IREB2: variants seen among roughly 807,000 people sequenced by gnomAD.
IREB2 encodes the protein iron responsive element binding protein 2.
Under a neutral mutation model 118.8 loss-of-function variants are expected in IREB2, and 39 were observed. The observed-to-expected ratio is 0.33, with a 90% confidence interval of 0.25 to 0.43. The LOEUF is 0.43. Ranked by LOEUF, IREB2 falls within the 20% of genes least tolerant of loss-of-function variation. IREB2 has a pLI of 1.00. For synonymous variants in IREB2, 372 were observed against 392.2 expected (o/e 0.95, Z 0.61); for missense variants, 900 against 1,147.3 (o/e 0.78, Z 3.11).
upstream of IREB2, among the ~76,000 whole-genome samples, chr15:78,437,993 G>T (rs1311622647): frequency 1.3e-5 from 2 of 152,198 alleles, no homozygotes; most frequent in African/African-American, 2.4e-5. Flanking sequence ...GTAACGGATC[G>T]CTGCGAAGGC....
Position 78,487,190 on chromosome 15 carries a change from T to C in IREB2, c.1710-543T>C, listed in dbSNP as rs1174896674. ...AGATTACTCCTATCAGAGTGCCCAATTACAATCAATGCCTCTTTTGGGACC... is the reference window on the plus strand; with the variant it reads ...AGATTACTCCTATCAGAGTGCCCAACTACAATCAATGCCTCTTTTGGGACC... On this transcript the variant is annotated intron_variant, in intron 13 of 21. Coordinates refer to ENST00000258886, the MANE Select transcript of IREB2 (RefSeq NM_004136.4). Among the ~76,000 whole-genome samples, 4 of 18,596 alleles carry C rather than the reference T, an allele frequency of 2.2e-4. No individual in the cohort carries two copies. In the Non-Finnish European group the frequency reaches 0.019, roughly 89 times the overall value. 12.2% of individuals were successfully genotyped at this position (18,596 alleles called of 152,430 possible). A position where few individuals can be genotyped will look rare whatever the true frequency, so the allele number is the denominator to read the frequency against.
At chr15:78,488,116 T>TTATCCAGATTTGTACC in intron 14 of IREB2, 64 bp from the exon 15 acceptor site, 2 of 1,461,516 alleles carry the variant, frequency 1.4e-6, no homozygotes, top group East Asian at 4.7e-5. Context: ...TTATATATGA[T>TTATCCAGATTTGTACC]TATCCAGATT....
intron 20 of IREB2, among the ~76,000 whole-genome samples, chr15:78,496,262 G>A (rs1366812635): frequency 1.3e-5 from 2 of 151,950 alleles, no homozygotes; most frequent in Non-Finnish European, 2.9e-5. Flanking sequence ...CTTCATTATT[G>A]TTGTTACTTA....
intron 2 of IREB2, among the ~76,000 whole-genome samples, chr15:78,447,627 G>A (rs533122560): frequency 2.6e-5 from 4 of 151,862 alleles, no homozygotes; most frequent in Admixed American, 2.0e-4. Flanking sequence ...CACCACTCCC[G>A]CTCTGATTTT....
At chr15:78,442,123 T>C (rs1334694455) in intron 2 of IREB2, among the ~76,000 whole-genome samples, 1 of 152,138 alleles carries the variant, frequency 6.6e-6, no homozygotes, top group Non-Finnish European at 1.5e-5. Flanking sequence ...CTCAAACTCC[T>C]GACCTCAAGT....
chr15:78,474,087 A>G (rs1157637837), intron 8 of IREB2: 1 of 152,236 alleles, frequency 6.6e-6, no homozygotes, highest in Non-Finnish European at 1.5e-5. Context: ...TGTTAAGCAT[A>G]TTAATACACA....
At chr15:78,494,098 T>A (rs1015542127) in intron 19 of IREB2, 42 bp downstream of exon 19, 1 of 1,612,914 alleles carries the variant, frequency 6.2e-7, no homozygotes, top group African/African-American at 1.3e-5. Context: ...TATAACTGGA[T>A]CAAAATTTGT....
chr15:78,488,644 C>A lies in IREB2; in HGVS notation c.1952-3C>A. ...GAGTATCATGTTCAAAAATTTTAAC[C>A]AGGTACTGACCCCACCGGCAAGAAC... On this transcript the variant is annotated splice_polypyrimidine_tract_variant and splice_region_variant and intron_variant, in intron 15 of 21. Transcript: ENST00000258886. 1 of 1,589,186 alleles carries A rather than the reference C, an allele frequency of 6.3e-7. No individual in the cohort carries two copies. Among genetic ancestry groups the A allele is most frequent in the South Asian group, 1.2e-5 (1 of 85,850 alleles).
chr15:78,494,342 A>G, intron 20 of IREB2, 78 bp downstream of exon 20: 2 of 1,417,886 alleles, frequency 1.4e-6, no homozygotes, highest in Non-Finnish European at 1.9e-6. Flanking sequence ...ATCCTGTCAA[A>G]GTTTATCTGG....
chr15:78,488,137 C>T, intron 14 of IREB2, 43 bp from the exon 15 acceptor site: 1 of 1,565,948 alleles, frequency 6.4e-7, no homozygotes, highest in Non-Finnish European at 8.7e-7. Context: ...TGTACCATCT[C>T]TAGAATTGAA....
chr15:78,488,588 G>T (rs1379285058), intron 15 of IREB2, 59 bp from the exon 16 acceptor site: 1 of 1,502,892 alleles, frequency 6.7e-7, no homozygotes, highest in East Asian at 2.3e-5. Context: ...CTTTGAAAAG[G>T]TATGAACATT....
At chr15:78,460,867 C>T (rs887519343) in intron 2 of IREB2, among the ~76,000 whole-genome samples, 2 of 151,808 alleles carry the variant, frequency 1.3e-5, no homozygotes, top group African/African-American at 2.4e-5. Context: ...AAAAAATTAA[C>T]GTGCGCTATT....
intron 1 of IREB2, chr15:78,438,601 A>G: frequency 2.0e-6 from 1 of 511,078 alleles, no homozygotes; most frequent in East Asian, 3.2e-5. Context: ...GCTGGCCTTG[A>G]CCCGCACCCC....
chr15:78,442,735 G>A (rs1159155684), intron 2 of IREB2, among the ~76,000 whole-genome samples: 1 of 152,144 alleles, frequency 6.6e-6, no homozygotes, highest in South Asian at 2.1e-4. Flanking sequence ...ACCAATCTCC[G>A]CAAGGATCTA....
intron 6 of IREB2, 48 bp from the exon 7 acceptor site, chr15:78,471,693 A>G (rs1323993157): frequency 1.6e-6 from 2 of 1,257,624 alleles, no homozygotes; most frequent in Non-Finnish European, 2.2e-6. Flanking sequence ...TTGTGAGCAC[A>G]AATTTATATA....
At chr15:78,485,419 A>AT (rs2051641902) in intron 12 of IREB2, among the ~76,000 whole-genome samples, 1 of 8,256 alleles carries the variant, frequency 1.2e-4, no homozygotes, top group African/African-American at 1.3e-4. Context: ...AAGAAGAAAG[A>AT]GAAAAAATGG....
At position 78,500,990 on chromosome 15, in the gene IREB2, G is replaced by A. The variant is rs2051934430; in HGVS notation, c.*2847G>A. On this transcript the variant is annotated 3_prime_UTR_variant, in exon 22 of 22. Transcript: ENST00000258886. ...TGTGCATTTGCTTTCACAGTGATGAGTGAGAGGATGAGAAGAAATTATTTG... is the reference window on the plus strand; with the variant it reads ...TGTGCATTTGCTTTCACAGTGATGAATGAGAGGATGAGAAGAAATTATTTG... 6.6e-6 allele frequency: 1 copy of A among 152,220 alleles called. No individual in the cohort carries two copies. The highest frequency in any genetic ancestry group is 2.4e-5 in the African/African-American group (1 of 41,450). 9.4% of individuals were successfully genotyped at this position (152,220 alleles called of 1,614,324 possible).
At chr15:78,465,555 G>C (rs2051268586) in intron 4 of IREB2, among the ~76,000 whole-genome samples, 167 bp downstream of exon 4, 1 of 152,118 alleles carries the variant, frequency 6.6e-6, no homozygotes, top group Non-Finnish European at 1.5e-5. Flanking sequence ...TGGAGTGGTG[G>C]GGTTTTTTTC....
chr15:78,441,154 A>G (rs968014096), intron 2 of IREB2, among the ~76,000 whole-genome samples: 2 of 152,170 alleles, frequency 1.3e-5, no homozygotes, highest in South Asian at 2.1e-4. Context: ...GCTATGTGCA[A>G]TATTTTTTGT....
Sources: allele counts gnomAD v4.1 joint callset (sites outside exome capture counted in the v4.1 genomes callset), GRCh38; gene constraint gnomAD v4.1.1; transcripts MANE v1.5; gene names NCBI Gene and HGNC (gene_info 2026-07-23, HGNC 2026-07-21).